CCNH: variants seen among roughly 807,000 people sequenced by gnomAD.
CCNH encodes cyclin H, also known as cyclin-H.
In CCNH, 31 loss-of-function variants were observed where a neutral mutation model predicts 41.9. The ratio of observed to expected loss-of-function variants is 0.74; its 90% CI spans 0.56 to 1.00. The LOEUF (loss-of-function observed/expected upper bound fraction) is 1.00, where lower values mean the gene tolerates loss of function less well. Among genes scored for constraint, CCNH ranks in the 50% least tolerant of loss-of-function variants. The pLI is 0.00. For missense variants in CCNH, 362 were observed against 388.4 expected, an observed-to-expected ratio of 0.93 and a Z score of 0.57; for synonymous variants, 138 against 136.1, an observed-to-expected ratio of 1.01 and a Z score of -0.10.
chr5:87,338,246 G>A (rs1758121067), intron 9 of CCNH, among the ~76,000 whole-genome samples: 1 of 151,776 alleles, frequency 6.6e-6, no homozygotes, highest in African/African-American at 2.4e-5. Flanking sequence ...TGTTAGTATG[G>A]AACATAATCA....
chr5:87,320,486 C>CT (rs1756704772), intron 9 of CCNH, among the ~76,000 whole-genome samples: 1 of 152,186 alleles, frequency 6.6e-6, no homozygotes, highest in Admixed American at 6.5e-5. Context: ...CCTCAGAAGA[C>CT]TTACAATCAT....
chr5:87,371,028 TAC>T (rs1308504633), intron 9 of CCNH, among the ~76,000 whole-genome samples: 1 of 152,160 alleles, frequency 6.6e-6, no homozygotes, highest in Non-Finnish European at 1.5e-5. Context: ...TTTGGTAACT[TAC>T]ATGATTTTTT....
At chr5:87,382,126 ATT>A (rs1478860384), upstream of CCNH, among the ~76,000 whole-genome samples, 1 of 151,926 alleles carries the variant, frequency 6.6e-6, no homozygotes. Context: ...CTATTTTTGT[ATT>A]TTTAGTAGAG....
intron 9 of CCNH, among the ~76,000 whole-genome samples, chr5:87,348,749 G>T (rs1317322835): frequency 6.6e-6 from 1 of 151,632 alleles, no homozygotes; most frequent in Non-Finnish European, 1.5e-5. Flanking sequence ...ATGTACCACT[G>T]TGCCTAGCAC....
At chr5:87,341,163 C>CT in intron 9 of CCNH, 3 of 533,082 alleles carry the variant, frequency 5.6e-6, no homozygotes, top group South Asian at 9.7e-5. Flanking sequence ...ACAGAAACAT[C>CT]TTTTTTTATA....
chr5:87,330,294 A>C (rs1043872415), intron 9 of CCNH, among the ~76,000 whole-genome samples: 3 of 152,122 alleles, frequency 2.0e-5, no homozygotes, highest in African/African-American at 7.2e-5. Flanking sequence ...TAGTAACATA[A>C]TGCTTTTATC....
chr5:87,372,303 C>A, downstream of CCNH: 1 of 981,132 alleles, frequency 1.0e-6, no homozygotes, highest in Non-Finnish European at 1.6e-6. Context: ...TGGGGTTAAG[C>A]CATGCTGCCA....
chr5:87,358,592 C>T (rs1409718310), intron 9 of CCNH, among the ~76,000 whole-genome samples: 4 of 152,186 alleles, frequency 2.6e-5, no homozygotes, highest in South Asian at 2.1e-4. Context: ...CTGCATGCTG[C>T]GCAGCAGTCA....
chr5:87,379,066 C>A (rs1354823656), upstream of CCNH, among the ~76,000 whole-genome samples: 2 of 152,064 alleles, frequency 1.3e-5, no homozygotes, highest in East Asian at 3.8e-4. Flanking sequence ...GGTAAAGCAA[C>A]TACAAAGAAA....
In CCNH at chr5:87,359,898, C is replaced by G. The variant is rs539976270; in HGVS notation, c.*90+32872G>C. Among the ~76,000 whole-genome samples the G allele has an allele frequency of 1.4e-3, 214 of 152,172 alleles. 1 individual carries two copies. Among genetic ancestry groups the G allele is most frequent in the Non-Finnish European group, 1.9e-3 (128 of 68,030 alleles). On this transcript the variant is annotated intron_variant and NMD_transcript_variant, in intron 9 of 9. Coordinates refer to the CCNH transcript ENST00000645953. Reference sequence around the variant, plus strand: ...GGTTTACGTACCTGAAATGGACAGTCTTTTCAATGCAACTAACAGTTCTTC... The same window carrying G: ...GGTTTACGTACCTGAAATGGACAGTGTTTTCAATGCAACTAACAGTTCTTC...
chr5:87,389,356 T>C (rs1762304442), downstream of CCNH: 3 of 1,612,654 alleles, frequency 1.9e-6, no homozygotes, highest in South Asian at 2.2e-5. Context: ...AAAAGAAGAT[T>C]TGTATTTCTA....
chr5:87,331,010 C>CT, intron 9 of CCNH: 1 of 1,380,686 alleles, frequency 7.2e-7, no homozygotes, highest in Non-Finnish European at 9.5e-7. Flanking sequence ...TTCCATTTGT[C>CT]TATCTTTTAT....
At chr5:87,328,116 A>T (rs781110049) in intron 9 of CCNH, among the ~76,000 whole-genome samples, 1 of 152,210 alleles carries the variant, frequency 6.6e-6, no homozygotes, top group Non-Finnish European at 1.5e-5. Flanking sequence ...TTCTTCTTTC[A>T]TTGGACAAAT....
chr5:87,312,602 G>C, the CCNH span, among the ~76,000 whole-genome samples: 4 of 152,086 alleles, frequency 2.6e-5, no homozygotes, highest in African/African-American at 4.8e-5. Flanking sequence ...TCCTCTTTCT[G>C]GGCTAGAGGT....
the CCNH span, among the ~76,000 whole-genome samples, chr5:87,311,841 G>A: frequency 7.2e-5 from 11 of 152,334 alleles, no homozygotes; most frequent in Admixed American, 1.3e-4. Context: ...AGCATAATCT[G>A]TATGGTGTGG....
At chr5:87,412,495 C>A (rs1764333091) in intron 1 of CCNH, 183 bp downstream of exon 1, 1 of 1,425,642 alleles carries the variant, frequency 7.0e-7, no homozygotes, top group South Asian at 1.5e-5. Flanking sequence ...ACGGGGATGG[C>A]GTTGTTCGTC....
At chr5:87,311,944 C>T in the CCNH span, among the ~76,000 whole-genome samples, 2 of 152,180 alleles carry the variant, frequency 1.3e-5, no homozygotes, top group African/African-American at 4.8e-5. Context: ...TTGGAATATC[C>T]AAGGTGTGGA....
chr5:87,331,841 T>A (rs72783704), intron 9 of CCNH, among the ~76,000 whole-genome samples: 1 of 152,312 alleles, frequency 6.6e-6, no homozygotes, highest in Non-Finnish European at 1.5e-5. Context: ...GGAAACCCTG[T>A]TTAAAACTCA....
chr5:87,408,894 C>T (rs976153327), intron 3 of CCNH, among the ~76,000 whole-genome samples: 3 of 152,160 alleles, frequency 2.0e-5, no homozygotes, highest in African/African-American at 7.2e-5. Flanking sequence ...GCAGCAACAA[C>T]AGACCTTTGT....
Sources: gnomAD v4.1 joint callset for allele counts (sites outside exome capture counted in the v4.1 genomes callset) on GRCh38, gnomAD v4.1.1 for gene constraint, MANE v1.5 for transcripts, NCBI Gene and HGNC (gene_info 2026-07-23, HGNC 2026-07-21) for gene names.